The following MBOAT2 variants were observed in gnomAD, a reference collection of about 807,000 sequenced individuals.
The protein encoded by MBOAT2 is membrane-bound glycerophospholipid O-acyltransferase 2.
Under a neutral mutation model 63.4 loss-of-function variants are expected in MBOAT2, and 28 were observed. That is an observed-to-expected ratio of 0.44 (90% CI 0.33 to 0.61). The LOEUF (loss-of-function observed/expected upper bound fraction) is 0.61. MBOAT2 is among the 20% of genes least tolerant of loss of function. The probability of loss-of-function intolerance (pLI) is 0.03; values close to 1 mark genes in which losing one functional copy is unlikely to be tolerated. For synonymous variants in MBOAT2, 211 were observed against 215.6 expected (o/e 0.98, Z 0.19); for missense variants, 470 against 605.8 (o/e 0.78, Z 2.35).
At chr2:8,933,725 T>C (rs1667478182) in intron 3 of MBOAT2, among the ~76,000 whole-genome samples, 2 of 152,220 alleles carry the variant, frequency 1.3e-5, no homozygotes, top group South Asian at 4.1e-4. Flanking sequence ...CAGAGCCCCA[T>C]TCTATGAGCA....
At chr2:8,921,562 C>G (rs944261860) in intron 3 of MBOAT2, among the ~76,000 whole-genome samples, 1 of 152,182 alleles carries the variant, frequency 6.6e-6, no homozygotes, top group Non-Finnish European at 1.5e-5. Context: ...CTATGGACTT[C>G]CTTTCGACCT....
chr2:8,868,769 C>T (rs575698474), intron 8 of MBOAT2, among the ~76,000 whole-genome samples: 7 of 152,066 alleles, frequency 4.6e-5, no homozygotes, highest in Middle Eastern at 3.4e-3. Flanking sequence ...GAGTTGGGGG[C>T]GGGTAGAGTT....
intron 4 of MBOAT2, among the ~76,000 whole-genome samples, chr2:8,899,661 G>A (rs552052213): frequency 7.2e-5 from 11 of 152,328 alleles, no homozygotes; most frequent in South Asian, 4.1e-4. Flanking sequence ...GGATGAGGGG[G>A]TAGCTTGTTT....
chr2:8,901,782 AAC>A (rs1664945855), intron 4 of MBOAT2, among the ~76,000 whole-genome samples: 1 of 152,180 alleles, frequency 6.6e-6, no homozygotes, highest in Non-Finnish European at 1.5e-5. Flanking sequence ...TAAAGAAGGT[AAC>A]AGAGTCCTGA....
intron 3 of MBOAT2, among the ~76,000 whole-genome samples, chr2:8,916,982 G>C (rs537319552): frequency 1.4e-4 from 21 of 152,272 alleles, no homozygotes; most frequent in African/African-American, 4.6e-4. Context: ...ACAGAATAAA[G>C]AGTACAGAAA....
intron 3 of MBOAT2, among the ~76,000 whole-genome samples, chr2:8,940,962 A>T (rs1479886145): frequency 6.6e-6 from 1 of 152,220 alleles, no homozygotes; most frequent in Non-Finnish European, 1.5e-5. Context: ...TGTATTCGAC[A>T]TAAACAATAA....
At chr2:8,914,447 T>C (rs1203615820) in intron 3 of MBOAT2, among the ~76,000 whole-genome samples, 3 of 151,916 alleles carry the variant, frequency 2.0e-5, no homozygotes, top group African/African-American at 4.8e-5. Context: ...TTTTGTCAAA[T>C]TACAGTTGAA....
intron 1 of MBOAT2, among the ~76,000 whole-genome samples, chr2:8,977,698 C>T (rs926435783): frequency 5.3e-5 from 8 of 152,088 alleles, no homozygotes; most frequent in South Asian, 2.1e-4. Flanking sequence ...GACATTTATT[C>T]GGCTGTCCAT....
intron 1 of MBOAT2, among the ~76,000 whole-genome samples, chr2:8,962,881 A>C: frequency 6.6e-6 from 1 of 152,174 alleles, no homozygotes; most frequent in East Asian, 1.9e-4. Context: ...TGGGATATGT[A>C]ACAAAGAGTT....
At chr2:8,886,294 C>T (rs1190110550) in intron 5 of MBOAT2, among the ~76,000 whole-genome samples, 1 of 152,228 alleles carries the variant, frequency 6.6e-6, no homozygotes, top group African/African-American at 2.4e-5. Context: ...GACTTCATTA[C>T]AGGCACCTTT....
chr2:8,960,503 G>T (rs1383019779), intron 1 of MBOAT2, among the ~76,000 whole-genome samples: 2 of 152,184 alleles, frequency 1.3e-5, no homozygotes, highest in Non-Finnish European at 2.9e-5. Flanking sequence ...CTGAAGGGGT[G>T]CCTGCCACAA....
At chr2:8,974,495 G>T in intron 1 of MBOAT2, 1 of 450,276 alleles carries the variant, frequency 2.2e-6, no homozygotes, top group Non-Finnish European at 4.5e-6. Context: ...CCTTGATGAG[G>T]TTGCTGAGCC....
At chr2:8,969,094 G>A (rs1257426767) in intron 1 of MBOAT2, among the ~76,000 whole-genome samples, 1 of 152,120 alleles carries the variant, frequency 6.6e-6, no homozygotes, top group Non-Finnish European at 1.5e-5. Flanking sequence ...TTGAAATTAA[G>A]GAAAAAATGT....
At chr2:8,971,640 C>T (rs1031740267) in intron 1 of MBOAT2, among the ~76,000 whole-genome samples, 1 of 152,168 alleles carries the variant, frequency 6.6e-6, no homozygotes, top group Non-Finnish European at 1.5e-5. Flanking sequence ...CCCAAAATCT[C>T]CTTAAGCTGA....
chr2:8,939,284 TG>T (rs1274300883), intron 3 of MBOAT2, among the ~76,000 whole-genome samples: 1 of 152,196 alleles, frequency 6.6e-6, no homozygotes, highest in East Asian at 1.9e-4. Context: ...GTCCTGTGCC[TG>T]GGGAACACAC....
Position 9,003,465 on chromosome 2 carries a change from C to A in MBOAT2, c.75+75G>T. 2 of 1,003,838 alleles carry A rather than the reference C, an allele frequency of 2.0e-6. No individual in the cohort carries two copies. Among genetic ancestry groups the A allele is most frequent in the Non-Finnish European group, 1.2e-6 (1 of 804,874 alleles). 62.2% of individuals were successfully genotyped at this position (1,003,838 alleles called of 1,614,324 possible). A position where few individuals can be genotyped will look rare whatever the true frequency, so the allele number is the denominator to read the frequency against. On this transcript the variant is annotated intron_variant, in intron 1 of 12. Coordinates refer to ENST00000305997, the MANE Select transcript of MBOAT2 (RefSeq NM_138799.4). The surrounding 1 kb of genome is among the most constrained non-coding windows in gnomAD (Gnocchi z 5.4). ...CCCCAGCCCCCACCCTCCTCCCGGG[C>A]CCCCGGTCGGGTGGCACCGCGGCGG... is the stretch of plus-strand genomic sequence containing the variant.
At chr2:8,934,709 C>T (rs1667542300) in intron 3 of MBOAT2, among the ~76,000 whole-genome samples, 1 of 152,116 alleles carries the variant, frequency 6.6e-6, no homozygotes, top group Non-Finnish European at 1.5e-5. Context: ...AGAGAACATA[C>T]AAGAAAACAA....
At chr2:8,903,144 TTAAC>T (rs1341917496) in intron 4 of MBOAT2, among the ~76,000 whole-genome samples, 3 of 152,144 alleles carry the variant, frequency 2.0e-5, no homozygotes, top group Admixed American at 2.0e-4. Flanking sequence ...TTACAAACCT[TTAAC>T]TAGGCACAAA....
At chr2:8,975,559 G>C (rs1670756847) in intron 1 of MBOAT2, among the ~76,000 whole-genome samples, 1 of 152,066 alleles carries the variant, frequency 6.6e-6, no homozygotes, top group African/African-American at 2.4e-5. Context: ...AAGGGGAGCA[G>C]ACTAATACAA....
Sources: gnomAD v4.1 joint callset for allele counts (sites outside exome capture counted in the v4.1 genomes callset) on GRCh38, gnomAD v4.1.1 for gene constraint, Gnocchi (gnomAD v3.1) non-coding constraint, MANE v1.5 for transcripts, NCBI Gene and HGNC (gene_info 2026-07-23, HGNC 2026-07-21) for gene names.